The following SYNE2 variants were observed in gnomAD, a reference collection of about 807,000 sequenced individuals.
SYNE2 encodes nesprin-2.
Under a neutral mutation model 856.3 loss-of-function variants are expected in SYNE2, and 431 were observed. The observed-to-expected ratio is 0.50, with a 90% CI of 0.47 to 0.55. The LOEUF is 0.55. Among genes scored for constraint, SYNE2 ranks in the 20% least tolerant of loss-of-function variants. SYNE2 has a pLI of 0.00. For missense variants in SYNE2, 8,129 were observed against 8,023.2 expected, an observed-to-expected ratio of 1.01 and a Z score of -0.50; for synonymous variants, 2,923 against 2,872.3, an observed-to-expected ratio of 1.02 and a Z score of -0.56.
At chr14:63,845,315 C>T (rs1055254852) in intron 1 of SYNE2, among the ~76,000 whole-genome samples, 7 of 151,660 alleles carry the variant, frequency 4.6e-5, no homozygotes, top group Non-Finnish European at 1.0e-4. Flanking sequence ...ACTTGGGAGG[C>T]TGAGGCAGGA....
At position 64,048,366 on chromosome 14, in the gene SYNE2, C is replaced by T. The variant is rs2097200816; in HGVS notation, c.7377+211C>T. On this transcript the variant is annotated intron_variant, in intron 46 of 115. Coordinates refer to ENST00000555002, the MANE Select transcript of SYNE2 (RefSeq NM_182914.3). ...GTAGAAGAGTTAAAGGGACATTAGT[C>T]TTCTTTCTATTTCACAAAGTTCCTA... The T allele has an allele frequency of 2.1e-5, 8 of 387,618 alleles. No individual in the cohort carries two copies. In the South Asian group the frequency reaches 4.0e-4, roughly 20 times the overall value. 24.0% of individuals were successfully genotyped at this position (387,618 alleles called of 1,614,324 possible). A position where few individuals can be genotyped will look rare whatever the true frequency, so the allele number is the denominator to read the frequency against.
intron 78 of SYNE2, among the ~76,000 whole-genome samples, 180 bp from the exon 79 acceptor site, chr14:64,137,607 T>C (rs2098105146): frequency 6.6e-6 from 1 of 152,182 alleles, no homozygotes; most frequent in Admixed American, 6.5e-5. Context: ...ACACCTATCA[T>C]GAAAGGTAAC....
chr14:63,801,037 T>C (rs1427221626), intron 1 of SYNE2, among the ~76,000 whole-genome samples: 1 of 152,202 alleles, frequency 6.6e-6, no homozygotes, highest in Non-Finnish European at 1.5e-5. Context: ...AGCATATTCT[T>C]TTTCTTTCCC....
At position 63,991,113 on chromosome 14, in the gene SYNE2, A is replaced by G. The variant is rs780484883; in HGVS notation, c.2644A>G (p.Lys882Glu). The G allele has an allele frequency of 2.7e-5, 44 of 1,613,904 alleles. No homozygotes were observed. In the East Asian group the frequency reaches 8.9e-4, roughly 33 times the overall value. Residue 882 changes from lysine to glutamate, a missense_variant and splice_region_variant, in exon 21 of 116, where the codon AAG (lysine) becomes GAG (glutamate). This residue lies in a region of SYNE2 where 2,422 missense variants were observed against 2,357.4 expected (regional missense o/e 1.03). Transcript: ENST00000555002. ...CCCCGGTGAACTCATTTCAAAACAC[A>G]AGGTGGGAATCTTTTCAACCATCAA... is the stretch of plus-strand genomic sequence containing the variant. ...ESPGELISKH[K>E]EALIISNTKS...
intron 6 of SYNE2, among the ~76,000 whole-genome samples, chr14:63,947,009 C>G (rs974993257): frequency 2.6e-5 from 4 of 152,172 alleles, no homozygotes; most frequent in Non-Finnish European, 5.9e-5. Flanking sequence ...ACCACCATGT[C>G]TAGCTAATTT....
intron 50 of SYNE2, among the ~76,000 whole-genome samples, chr14:64,064,012 A>G (rs1451466269): frequency 2.0e-5 from 3 of 152,226 alleles, no homozygotes; most frequent in Non-Finnish European, 2.9e-5. Flanking sequence ...ATGCTGTAAT[A>G]AAAGTTGGGT....
intron 1 of SYNE2, among the ~76,000 whole-genome samples, chr14:63,866,710 C>T (rs937233233): frequency 6.6e-6 from 1 of 152,016 alleles, no homozygotes; most frequent in Non-Finnish European, 1.5e-5. Flanking sequence ...CGTGGTAGCT[C>T]ATGTTGAAAT....
chr14:63,915,211 G>A (rs1019646676), intron 2 of SYNE2, among the ~76,000 whole-genome samples: 2 of 152,164 alleles, frequency 1.3e-5, no homozygotes, highest in South Asian at 2.1e-4. Flanking sequence ...GAACTTCTCA[G>A]GTATAGAAAG....
At chr14:64,194,977 C>T (rs916208372) in intron 99 of SYNE2, among the ~76,000 whole-genome samples, 3 of 152,174 alleles carry the variant, frequency 2.0e-5, no homozygotes, top group Non-Finnish European at 2.9e-5. Flanking sequence ...ACTCCCTCCC[C>T]ATTTCCTTAA....
intron 1 of SYNE2, among the ~76,000 whole-genome samples, chr14:63,855,309 C>T (rs1032218840): frequency 6.6e-6 from 1 of 152,176 alleles, no homozygotes; most frequent in Non-Finnish European, 1.5e-5. Flanking sequence ...AATCATATCA[C>T]ATCATTCTTC....
intron 1 of SYNE2, among the ~76,000 whole-genome samples, chr14:63,907,293 A>G (rs2095420062): frequency 6.6e-6 from 1 of 152,246 alleles, no homozygotes; most frequent in East Asian, 1.9e-4. Flanking sequence ...AATAAATGAC[A>G]TATGGCAAAC....
chr14:63,934,344 A>G (rs1286856859), intron 2 of SYNE2, among the ~76,000 whole-genome samples: 1 of 151,974 alleles, frequency 6.6e-6, no homozygotes, highest in Non-Finnish European at 1.5e-5. Flanking sequence ...TTTTCCTTAG[A>G]AAAGTTTTGA....
chr14:63,907,879 GATTCATCTT>G (rs2095427173), intron 1 of SYNE2, among the ~76,000 whole-genome samples: 1 of 152,130 alleles, frequency 6.6e-6, no homozygotes, highest in African/African-American at 2.4e-5. Flanking sequence ...GGCTGGTTGT[GATTCATCTT>G]AATTTGGAGG....
intron 60 of SYNE2, 62 bp from the exon 61 acceptor site, chr14:64,093,287 A>G (rs2097645618): frequency 1.9e-6 from 3 of 1,593,022 alleles, no homozygotes; most frequent in South Asian, 2.2e-5. Flanking sequence ...AGACAATGAA[A>G]ATAGTCCATT....
In SYNE2 at chr14:63,774,953, AT is replaced by A. The variant is rs554403849; in HGVS notation, c.-305+12971del. On this transcript the variant is annotated intron_variant, in intron 1 of 23. Transcript: ENST00000674003. Reference sequence around the variant, plus strand: ...GGCAATCTGCCAGTATTTTAATTTAATTTTATTTATTTATTTATTTACTTTA... The same window carrying A: ...GGCAATCTGCCAGTATTTTAATTTAATTTATTTATTTATTTATTTACTTTA... Among the ~76,000 whole-genome samples the A allele has an allele frequency of 3.7e-3, 564 of 152,060 alleles. 5 individuals are homozygous for A. The highest frequency in any genetic ancestry group is 0.034 in the Middle Eastern group (10 of 294).
chr14:64,210,901 A>C, intron 103 of SYNE2, among the ~76,000 whole-genome samples: 1 of 149,334 alleles, frequency 6.7e-6, no homozygotes, highest in East Asian at 2.0e-4. Flanking sequence ...AACCTAGACA[A>C]CTCCCTTGCA....
At position 64,137,820 on chromosome 14, in the gene SYNE2, C is replaced by T. The variant is rs201571076; in HGVS notation, c.14680C>T (p.Arg4894Trp). Reference sequence around the variant, plus strand: ...AAGAAACATTGGTGGAAAACACGCCCGGCTTTACCAAACTCTGAACGAAGG... The same window carrying T: ...AAGAAACATTGGTGGAAAACACGCCTGGCTTTACCAAACTCTGAACGAAGG... Reference protein sequence around the residue: ...IKRNIGGKHARLYQTLNEGKQ... With the variant: ...IKRNIGGKHAWLYQTLNEGKQ... The change falls in exon 79 of 116, where the codon CGG becomes TGG. Residue 4894 changes from arginine to tryptophan, a missense_variant. Arg to Trp is a moderately radical substitution (Grantham distance 101). Around this residue, in one of 3 missense-constraint regions of SYNE2, gnomAD observed 5,410 missense variants for 5,284.8 expected, o/e 1.02. Transcript: ENST00000555002. The T allele has an allele frequency of 5.2e-5, 84 of 1,614,122 alleles. No homozygotes were observed. Among genetic ancestry groups the T allele is most frequent in the Middle Eastern group, 1.6e-4 (1 of 6,062 alleles).
intron 45 of SYNE2, among the ~76,000 whole-genome samples, chr14:64,040,265 G>A (rs2097137575): frequency 6.6e-6 from 1 of 152,074 alleles, no homozygotes; most frequent in Non-Finnish European, 1.5e-5. Flanking sequence ...CATCAAATGA[G>A]AGAATACCCT....
At chr14:64,189,009 A>G in intron 98 of SYNE2, 2 of 702,234 alleles carry the variant, frequency 2.8e-6, no homozygotes, top group Non-Finnish European at 2.6e-6. Flanking sequence ...TGATACCCCA[A>G]GTGAGTTAGG....
Sources: gnomAD v4.1 joint callset for allele counts (sites outside exome capture counted in the v4.1 genomes callset) on GRCh38, gnomAD v4.1.1 for gene constraint, gnomAD v4.1.1 regional missense constraint, MANE v1.5 for transcripts, NCBI Gene and HGNC (gene_info 2026-07-23, HGNC 2026-07-21) for gene names.